The following EGFLAM variants were observed in gnomAD, a reference collection of about 807,000 sequenced individuals.
EGFLAM encodes the protein EGF like, fibronectin type III and laminin G domains, also known as pikachurin.
In EGFLAM, 79 loss-of-function variants were observed where a neutral mutation model predicts 113.1. The observed-to-expected ratio is 0.70, with a 90% CI of 0.58 to 0.84. The LOEUF is 0.84. Ranked by LOEUF, EGFLAM falls within the 40% of genes least tolerant of loss-of-function variation. The probability of loss-of-function intolerance (pLI) is 0.00; values close to 1 mark genes in which losing one functional copy is unlikely to be tolerated. For synonymous variants in EGFLAM, 504 were observed against 487.6 expected, an observed-to-expected ratio of 1.03 and a Z score of -0.44; for missense variants, 1,265 against 1,291.6, an observed-to-expected ratio of 0.98 and a Z score of 0.32.
At chr5:38,277,527 T>G (rs1037053400) in intron 1 of EGFLAM, among the ~76,000 whole-genome samples, 1 of 152,184 alleles carries the variant, frequency 6.6e-6, no homozygotes, top group Non-Finnish European at 1.5e-5. Flanking sequence ...TTTTCCCTAC[T>G]CTTATTAAAC....
At chr5:38,325,118 G>A (rs978806200) in intron 1 of EGFLAM, among the ~76,000 whole-genome samples, 4 of 152,166 alleles carry the variant, frequency 2.6e-5, no homozygotes, top group African/African-American at 9.7e-5. Context: ...GGCAATGACT[G>A]GCAGGGAAGA....
chr5:38,436,437 C>CTCGCA (rs1282263618), intron 16 of EGFLAM, among the ~76,000 whole-genome samples: 2 of 152,148 alleles, frequency 1.3e-5, no homozygotes, highest in African/African-American at 2.4e-5. Flanking sequence ...ACCATTTTAT[C>CTCGCA]TCGCATCGCA....
chr5:38,456,382 G>C (rs139916098), intron 19 of EGFLAM, among the ~76,000 whole-genome samples: 15 of 152,268 alleles, frequency 9.9e-5, no homozygotes, highest in African/African-American at 3.6e-4. Context: ...AACGGCCATA[G>C]ATAGTAATTC....
Position 38,438,436 on chromosome 5 carries a change from G to C in EGFLAM, c.2445G>C (p.Glu815Asp), listed in dbSNP as rs758067893. Residue 815 changes from glutamate to aspartate, a missense_variant, in exon 17 of 22, where the codon GAG becomes GAC. By Grantham distance (45) the Glu-to-Asp change is conservative. Transcript: ENST00000322350. ...ACTGTGACTGCCCCTTGGGCTTTGAGGGGCTTCACTGCCAGAAAGGTACGC... is the reference window on the plus strand; with the variant it reads ...ACTGTGACTGCCCCTTGGGCTTTGACGGGCTTCACTGCCAGAAAGGTACGC... ...GYDCDCPLGF[E>D]GLHCQKAIIE... The C allele has an allele frequency of 8.7e-6, 14 of 1,610,068 alleles. No individual in the cohort carries two copies. Among genetic ancestry groups the C allele is most frequent in the Non-Finnish European group, 1.2e-5 (14 of 1,177,420 alleles).
At chr5:38,393,755 G>A (rs934300136) in intron 6 of EGFLAM, among the ~76,000 whole-genome samples, 1 of 152,192 alleles carries the variant, frequency 6.6e-6, no homozygotes, top group Non-Finnish European at 1.5e-5. Flanking sequence ...GAGGGGCCCC[G>A]CAGCAGCGTC....
intron 1 of EGFLAM, among the ~76,000 whole-genome samples, chr5:38,279,646 C>T (rs1757968277): frequency 1.3e-5 from 2 of 152,160 alleles, no homozygotes; most frequent in Admixed American, 1.3e-4. Flanking sequence ...TGGTCTCACT[C>T]ATATGTGGAG....
At chr5:38,380,400 A>G (rs191188592) in intron 6 of EGFLAM, among the ~76,000 whole-genome samples, 35 of 152,352 alleles carry the variant, frequency 2.3e-4, no homozygotes, top group African/African-American at 8.2e-4. Flanking sequence ...GAGAGCCTGC[A>G]ATCCAACTGC....
chr5:38,278,251 G>A (rs1757932284), intron 1 of EGFLAM, among the ~76,000 whole-genome samples: 1 of 152,126 alleles, frequency 6.6e-6, no homozygotes, highest in African/African-American at 2.4e-5. Flanking sequence ...TTTATAGCCA[G>A]CTGATTTTTG....
intron 16 of EGFLAM, among the ~76,000 whole-genome samples, chr5:38,437,663 T>C (rs1407897025): frequency 3.9e-5 from 6 of 152,194 alleles, no homozygotes; most frequent in Non-Finnish European, 8.8e-5. Context: ...CAGGTGGTTC[T>C]AATGTGCAGC....
intron 4 of EGFLAM, among the ~76,000 whole-genome samples, chr5:38,351,424 G>A (rs534715724): frequency 1.3e-5 from 2 of 152,258 alleles, no homozygotes; most frequent in South Asian, 4.1e-4. Flanking sequence ...CACTTCTAAG[G>A]ACTGCACCGG....
rs1288922481 is a variant in EGFLAM, at chr5:38,464,928, T to C, written c.*942T>C. ...CAAGATAAGCAGATTAAAAGGAACA[T>C]GTGTTACCGAGGTAGGTCACTGTCA... On this transcript the variant is annotated 3_prime_UTR_variant, in exon 22 of 22. Coordinates refer to ENST00000322350, the MANE Select transcript of EGFLAM (RefSeq NM_152403.4). 1 of 152,202 alleles carries C rather than the reference T, an allele frequency of 6.6e-6. No individual in the cohort carries two copies. The highest frequency in any genetic ancestry group is 1.5e-5 in the Non-Finnish European group (1 of 68,044). The allele number at this position is 152,202 out of a possible 1,614,324, so 9.4% of individuals were successfully genotyped here.
intron 1 of EGFLAM, among the ~76,000 whole-genome samples, chr5:38,335,888 A>G (rs979416745): frequency 6.6e-6 from 1 of 152,212 alleles, no homozygotes; most frequent in Non-Finnish European, 1.5e-5. Flanking sequence ...GGAGAATTAC[A>G]TGCAATAGTT....
chr5:38,418,445 C>T (rs747402429), intron 12 of EGFLAM, among the ~76,000 whole-genome samples, 190 bp downstream of exon 12: 9 of 152,110 alleles, frequency 5.9e-5, no homozygotes, highest in African/African-American at 2.4e-5. Flanking sequence ...CTGCTGACCC[C>T]GCATCTGAAC....
chr5:38,400,085 C>T (rs1741067370), intron 6 of EGFLAM: 2 of 152,168 alleles, frequency 1.3e-5, no homozygotes, highest in South Asian at 2.1e-4. Flanking sequence ...TCTAATCCTA[C>T]TCCTTATTTT....
In EGFLAM at chr5:38,463,815, C is replaced by T. The variant is rs1398597533; in HGVS notation, c.2876-17C>T. The T allele has an allele frequency of 1.9e-6, 3 of 1,611,176 alleles. No individual in the cohort carries two copies. The highest frequency in any genetic ancestry group is 2.5e-6 in the Non-Finnish European group (3 of 1,178,478). On this transcript the variant is annotated splice_polypyrimidine_tract_variant and intron_variant, in intron 21 of 21. Transcript: ENST00000322350. ...CTGTCCTTTGGCTCACCTCATCTCC[C>T]TCTTGCTTCCTGGCAGGTGGAATGA...
At chr5:38,398,037 G>A (rs148837885) in intron 6 of EGFLAM, among the ~76,000 whole-genome samples, 157 of 152,240 alleles carry the variant, frequency 1.0e-3, no homozygotes, top group South Asian at 5.2e-3. Context: ...TACTTAAAGC[G>A]TATAACCCAA....
intron 1 of EGFLAM, among the ~76,000 whole-genome samples, chr5:38,308,852 T>C (rs1408962144): frequency 6.6e-6 from 1 of 152,134 alleles, no homozygotes; most frequent in East Asian, 1.9e-4. Flanking sequence ...ACCTACAAGG[T>C]TGCTGTGTTG....
chr5:38,301,956 C>G (rs925527348), intron 1 of EGFLAM, among the ~76,000 whole-genome samples: 1 of 152,052 alleles, frequency 6.6e-6, no homozygotes, highest in Admixed American at 6.6e-5. Flanking sequence ...AGGAGGAGAT[C>G]AGGCCAGGGG....
In EGFLAM at chr5:38,406,035, C is replaced by T. The variant is rs562266494; in HGVS notation, c.713-91C>T. The T allele has an allele frequency of 1.5e-5, 15 of 978,092 alleles. No homozygotes were observed. In the East Asian group the frequency reaches 2.2e-4, roughly 14 times the overall value. The allele number at this position is 978,092 out of a possible 1,614,324, so 60.6% of individuals were successfully genotyped here. Reference sequence around the variant, plus strand: ...TGTTTCCAATACACTGCGTTCCATTCGGTACAGCTCTGCCTGTGGCTGAGT... The same window carrying T: ...TGTTTCCAATACACTGCGTTCCATTTGGTACAGCTCTGCCTGTGGCTGAGT... On this transcript the variant is annotated intron_variant, in intron 6 of 21. Transcript: ENST00000322350.
Sources: gnomAD v4.1 joint callset for allele counts (sites outside exome capture counted in the v4.1 genomes callset) on GRCh38, gnomAD v4.1.1 for gene constraint, MANE v1.5 for transcripts, NCBI Gene and HGNC (gene_info 2026-07-23, HGNC 2026-07-21) for gene names.